SH3BGRL2: variants seen among roughly 807,000 people sequenced by gnomAD.
SH3BGRL2 encodes SH3 domain-binding glutamic acid-rich-like protein 2.
In SH3BGRL2, 21 loss-of-function variants were observed where a neutral mutation model predicts 14.8. That is an observed-to-expected ratio of 1.42 (90% confidence interval 1.01 to 2.05). The LOEUF is 2.05. Among genes scored for constraint, SH3BGRL2 ranks in the 30% most tolerant of loss-of-function variants. The probability of loss-of-function intolerance (pLI) is 0.00; values close to 1 mark genes in which losing one functional copy is unlikely to be tolerated. For synonymous variants in SH3BGRL2, 50 were observed against 47.8 expected, an observed-to-expected ratio of 1.05 and a Z score of -0.19; for missense variants, 147 against 130.8, an observed-to-expected ratio of 1.12 and a Z score of -0.61.
intron 1 of SH3BGRL2, among the ~76,000 whole-genome samples, chr6:79,638,864 C>T (rs889255927): frequency 6.6e-6 from 1 of 152,102 alleles, no homozygotes; most frequent in African/African-American, 2.4e-5. Flanking sequence ...ACATAGTTTG[C>T]ACCTTTTCTT....
At chr6:79,696,122 T>C (rs886718193) in intron 2 of SH3BGRL2, among the ~76,000 whole-genome samples, 3 of 152,076 alleles carry the variant, frequency 2.0e-5, no homozygotes, top group Admixed American at 6.6e-5. Context: ...AAGAGTGGAA[T>C]TGGGAGGCAG....
chr6:79,555,654 C>T, the SH3BGRL2 span, among the ~76,000 whole-genome samples: 3 of 152,088 alleles, frequency 2.0e-5, no homozygotes, highest in East Asian at 3.9e-4. Flanking sequence ...GGATTACAGG[C>T]GTGCACCACC....
the SH3BGRL2 span, among the ~76,000 whole-genome samples, chr6:79,622,137 A>G: frequency 6.6e-6 from 1 of 152,174 alleles, no homozygotes; most frequent in Non-Finnish European, 1.5e-5. Context: ...TTGCTGTTGG[A>G]AATTTCTCAG....
chr6:79,590,455 A>G, the SH3BGRL2 span, among the ~76,000 whole-genome samples: 669 of 116,084 alleles, frequency 5.8e-3, 20 homozygotes, highest in East Asian at 0.018. Flanking sequence ...ATATATATAT[A>G]TATATATATG....
In SH3BGRL2 at chr6:79,696,566, G is replaced by A. The variant is rs1479805779; in HGVS notation, c.312+1G>A. 1.3e-6 allele frequency: 2 copies of A among 1,556,004 alleles called. No homozygotes were observed. The highest frequency in any genetic ancestry group is 1.7e-6 in the Non-Finnish European group (2 of 1,158,750). Reference sequence around the variant, plus strand: ...CCTGAAACCACGGTTGGCATCAAAGGTAGGTAAATCTTTTCTTATTCTTGT... The same window carrying A: ...CCTGAAACCACGGTTGGCATCAAAGATAGGTAAATCTTTTCTTATTCTTGT... On this transcript the variant is annotated splice_donor_variant, in intron 3 of 3. Coordinates refer to ENST00000369838, the MANE Select transcript of SH3BGRL2 (RefSeq NM_031469.4). LOFTEE classifies it high-confidence loss of function.
At chr6:79,631,605 G>GCT in intron 1 of SH3BGRL2, 99 bp downstream of exon 1, 1 of 996,278 alleles carries the variant, frequency 1.0e-6, no homozygotes, top group Non-Finnish European at 1.3e-6. Flanking sequence ...CGCTCAGCCG[G>GCT]TCCGCCCGCG....
intron 1 of SH3BGRL2, among the ~76,000 whole-genome samples, chr6:79,666,015 G>T (rs1769652748): frequency 6.6e-6 from 1 of 152,070 alleles, no homozygotes; most frequent in African/African-American, 2.4e-5. Context: ...TGGCTTCTTG[G>T]GGGTTACTCT....
At chr6:79,696,266 G>A (rs1382514832) in intron 2 of SH3BGRL2, among the ~76,000 whole-genome samples, 1 of 152,114 alleles carries the variant, frequency 6.6e-6, no homozygotes, top group Non-Finnish European at 1.5e-5. Flanking sequence ...TTTTAATCTT[G>A]TCATAGGTTT....
the SH3BGRL2 span, among the ~76,000 whole-genome samples, chr6:79,604,953 A>G: frequency 1.3e-5 from 2 of 152,170 alleles, no homozygotes; most frequent in Non-Finnish European, 1.5e-5. Context: ...GTTTCCAAAT[A>G]TGGCTGCATC....
At chr6:79,667,224 C>G (rs538948626) in intron 1 of SH3BGRL2, among the ~76,000 whole-genome samples, 1 of 152,166 alleles carries the variant, frequency 6.6e-6, no homozygotes, top group African/African-American at 2.4e-5. Flanking sequence ...AAGTTAGGTA[C>G]AAAAACGGGA....
the SH3BGRL2 span, among the ~76,000 whole-genome samples, chr6:79,621,232 A>G: frequency 6.6e-6 from 1 of 152,194 alleles, no homozygotes; most frequent in Non-Finnish European, 1.5e-5. Context: ...AGATGCTGCT[A>G]TGGTCTGAAT....
the SH3BGRL2 span, among the ~76,000 whole-genome samples, chr6:79,550,669 G>A: frequency 1.3e-5 from 2 of 152,072 alleles, no homozygotes; most frequent in Non-Finnish European, 2.9e-5. Context: ...GAGTACTTAC[G>A]TCTACAGGAT....
At chr6:79,660,874 G>A (rs1562150501) in intron 1 of SH3BGRL2, among the ~76,000 whole-genome samples, 1 of 152,110 alleles carries the variant, frequency 6.6e-6, no homozygotes, top group Admixed American at 6.5e-5. Flanking sequence ...TTGGGAGGGT[G>A]TATGTGTCCA....
At chr6:79,592,877 G>GT in the SH3BGRL2 span, among the ~76,000 whole-genome samples, 1 of 152,176 alleles carries the variant, frequency 6.6e-6, no homozygotes, top group Non-Finnish European at 1.5e-5. Context: ...TCTGTAGCCA[G>GT]TAAGTAGCAG....
At chr6:79,592,973 T>C in the SH3BGRL2 span, among the ~76,000 whole-genome samples, 3 of 152,134 alleles carry the variant, frequency 2.0e-5, no homozygotes, top group African/African-American at 7.2e-5. Flanking sequence ...CTGCTGGGCG[T>C]AGAACAATTA....
intron 3 of SH3BGRL2, among the ~76,000 whole-genome samples, chr6:79,696,995 C>G (rs993087248): frequency 6.6e-6 from 1 of 151,932 alleles, no homozygotes; most frequent in African/African-American, 2.4e-5. Flanking sequence ...TGAAAAAAAT[C>G]TTCAATTCTT....
the SH3BGRL2 span, among the ~76,000 whole-genome samples, chr6:79,600,737 A>G: frequency 1.7e-4 from 26 of 152,332 alleles, 1 homozygote; most frequent in Middle Eastern, 6.8e-3. Context: ...TAGGCACAGA[A>G]TATAGACACT....
intron 2 of SH3BGRL2, among the ~76,000 whole-genome samples, chr6:79,674,897 C>T (rs1208245247): frequency 6.6e-6 from 1 of 152,076 alleles, no homozygotes; most frequent in Non-Finnish European, 1.5e-5. Context: ...GGGATAATGT[C>T]TGTCTTTGTG....
chr6:79,694,796 G>A (rs566396821), intron 2 of SH3BGRL2, among the ~76,000 whole-genome samples: 1 of 152,152 alleles, frequency 6.6e-6, no homozygotes, highest in South Asian at 2.1e-4. Context: ...CCCCCAAAAT[G>A]TATCTGCAGC....
Sources: gnomAD v4.1 joint callset for allele counts (sites outside exome capture counted in the v4.1 genomes callset) on GRCh38, gnomAD v4.1.1 for gene constraint, MANE v1.5 for transcripts, NCBI Gene and HGNC (gene_info 2026-07-23, HGNC 2026-07-21) for gene names.